GRIN2A: variants seen among roughly 807,000 people sequenced by gnomAD.
GRIN2A encodes glutamate receptor ionotropic, NMDA 2A.
Under a neutral mutation model 113.4 loss-of-function variants are expected in GRIN2A, and 22 were observed. The observed-to-expected ratio is 0.19, with a 90% CI of 0.14 to 0.28. The LOEUF is 0.28. Ranked by LOEUF, GRIN2A falls within the 10% of genes least tolerant of loss-of-function variation. GRIN2A has a pLI of 1.00. For synonymous variants in GRIN2A, 827 were observed against 738.4 expected (o/e 1.12, Z -1.94); for missense variants, 1,502 against 1,887.0 (o/e 0.80, Z 3.78).
intron 2 of GRIN2A, among the ~76,000 whole-genome samples, chr16:10,010,757 A>G (rs917873961): frequency 6.6e-6 from 1 of 152,122 alleles, no homozygotes; most frequent in African/African-American, 2.4e-5. Flanking sequence ...GTGCTGAAAA[A>G]GGAATATCTC....
chr16:9,885,503 T>C (rs2043570166), intron 4 of GRIN2A, among the ~76,000 whole-genome samples: 1 of 152,226 alleles, frequency 6.6e-6, no homozygotes, highest in Non-Finnish European at 1.5e-5. Flanking sequence ...TTGGCGTCTG[T>C]ATAATCCACA....
At chr16:9,994,238 A>G (rs2046180335) in intron 2 of GRIN2A, among the ~76,000 whole-genome samples, 1 of 152,216 alleles carries the variant, frequency 6.6e-6, no homozygotes, top group Non-Finnish European at 1.5e-5. Flanking sequence ...TGCACCTGTC[A>G]GAATGCAAAG....
At chr16:9,785,948 A>G (rs1280340068) in intron 11 of GRIN2A, among the ~76,000 whole-genome samples, 1 of 152,190 alleles carries the variant, frequency 6.6e-6, no homozygotes, top group Non-Finnish European at 1.5e-5. Context: ...TGTTGAATCG[A>G]TGACTAGAAG....
intron 11 of GRIN2A, among the ~76,000 whole-genome samples, chr16:9,787,258 A>G (rs1902286913): frequency 6.6e-6 from 1 of 152,314 alleles, no homozygotes; most frequent in Non-Finnish European, 1.5e-5. Context: ...TCATGCACAT[A>G]AGAACCCTAG....
intron 4 of GRIN2A, among the ~76,000 whole-genome samples, chr16:9,860,536 C>A (rs370185591): frequency 2.0e-4 from 30 of 149,966 alleles, no homozygotes; most frequent in African/African-American, 6.9e-4. Flanking sequence ...GGGCAAGTGA[C>A]ATATGTAAGG....
chr16:10,001,780 G>T (rs374182073), intron 2 of GRIN2A, among the ~76,000 whole-genome samples: 2 of 152,100 alleles, frequency 1.3e-5, no homozygotes, highest in Non-Finnish European at 2.9e-5. Context: ...GGGTAGGCAC[G>T]GATATCCAAC....
intron 2 of GRIN2A, among the ~76,000 whole-genome samples, chr16:10,030,543 T>G (rs2046909531): frequency 6.6e-6 from 1 of 152,226 alleles, no homozygotes; most frequent in South Asian, 2.1e-4. Flanking sequence ...CCACATATCC[T>G]GGAAAGGTCT....
At chr16:9,851,899 T>C (rs1421884537) in intron 4 of GRIN2A, among the ~76,000 whole-genome samples, 2 of 152,206 alleles carry the variant, frequency 1.3e-5, no homozygotes, top group African/African-American at 2.4e-5. Context: ...ACACATATGG[T>C]GGCTGCTATT....
intron 4 of GRIN2A, among the ~76,000 whole-genome samples, chr16:9,884,386 T>C (rs2043548205): frequency 1.3e-5 from 2 of 151,976 alleles, no homozygotes; most frequent in African/African-American, 2.4e-5. Context: ...TCATCTCTAC[T>C]AAAAACACAA....
At chr16:9,892,433 AGAAGAGAAGGAG>A (rs1351312769) in intron 3 of GRIN2A, among the ~76,000 whole-genome samples, 1 of 152,306 alleles carries the variant, frequency 6.6e-6, no homozygotes, top group African/African-American at 2.4e-5. Flanking sequence ...TGGCCAAAGA[AGAAGAGAAGGAG>A]GAAGAGAAAA....
At chr16:9,787,188 T>G (rs1345051101) in intron 11 of GRIN2A, among the ~76,000 whole-genome samples, 3 of 152,064 alleles carry the variant, frequency 2.0e-5, no homozygotes, top group Admixed American at 6.6e-5. Flanking sequence ...CCTCCCAATC[T>G]TGAAGAGACT....
chr16:10,043,433 C>G (rs1417419491), intron 2 of GRIN2A, among the ~76,000 whole-genome samples: 1 of 152,216 alleles, frequency 6.6e-6, no homozygotes, highest in African/African-American at 2.4e-5. Context: ...TTTAAATGCT[C>G]ACTCGCTACC....
intron 3 of GRIN2A, among the ~76,000 whole-genome samples, chr16:9,918,000 A>G (rs1406945247): frequency 6.6e-6 from 1 of 152,194 alleles, no homozygotes; most frequent in Non-Finnish European, 1.5e-5. Flanking sequence ...GGTTATTCCG[A>G]GAATTATATT....
intron 2 of GRIN2A, among the ~76,000 whole-genome samples, chr16:10,152,448 A>G (rs2049600748): frequency 6.6e-6 from 1 of 152,156 alleles, no homozygotes; most frequent in Non-Finnish European, 1.5e-5. Flanking sequence ...CATGGATCCC[A>G]TGTGCCAATC....
intron 5 of GRIN2A, among the ~76,000 whole-genome samples, chr16:9,842,303 C>A (rs372959522): frequency 6.6e-6 from 1 of 152,080 alleles, no homozygotes; most frequent in Non-Finnish European, 1.5e-5. Flanking sequence ...GTCTATCCAA[C>A]GGATAGCAAA....
At chr16:9,898,134 C>A (rs1351470571) in intron 3 of GRIN2A, among the ~76,000 whole-genome samples, 1 of 139,272 alleles carries the variant, frequency 7.2e-6, no homozygotes, top group Non-Finnish European at 1.5e-5. Flanking sequence ...TATGGTTTAA[C>A]CTAACTTCAT....
At chr16:9,954,691 G>A (rs2045264684) in intron 2 of GRIN2A, among the ~76,000 whole-genome samples, 1 of 152,046 alleles carries the variant, frequency 6.6e-6, no homozygotes, top group Admixed American at 6.6e-5. Context: ...CAAATTAGAG[G>A]TACCCCTGGC....
chr16:9,849,769 A>T lies in GRIN2A; in HGVS notation c.1315T>A (p.Phe439Ile), dbSNP rs755045335. Residue 439 changes from phenylalanine (F) to isoleucine (I), a missense_variant, in exon 5 of 13, where the codon TTC (phenylalanine) becomes ATC (isoleucine). Physicochemically the swap from Phe to Ile is conservative, Grantham distance 21 (BLOSUM62 0). Around this residue, in one of 7 missense-constraint regions of GRIN2A, gnomAD observed 334 missense variants for 403.0 expected, o/e 0.83. Transcript: ENST00000330684. ...CVRNTVPCRK[F>I]VKINNSTNEG... is the part of the protein sequence containing the mutation. ...CCTGCCACTCACTTGATTTTGACGA[A>T]CTTCCGACATGGCACGGTGTTCCTC... is the stretch of plus-strand genomic sequence containing the variant. 1 of 1,613,868 alleles carries T rather than the reference A, an allele frequency of 6.2e-7. No individual in the cohort carries two copies. Among genetic ancestry groups the T allele is most frequent in the East Asian group, 2.2e-5 (1 of 44,860 alleles).
intron 4 of GRIN2A, among the ~76,000 whole-genome samples, chr16:9,860,018 C>T (rs1169993612): frequency 2.6e-5 from 4 of 151,652 alleles, no homozygotes; most frequent in Admixed American, 6.6e-5. Context: ...TTTCCAGTCT[C>T]GGTGGAGAGA....
Sources: gnomAD v4.1 joint callset for allele counts (sites outside exome capture counted in the v4.1 genomes callset) on GRCh38, gnomAD v4.1.1 for gene constraint, gnomAD v4.1.1 regional missense constraint, MANE v1.5 for transcripts, NCBI Gene and HGNC (gene_info 2026-07-23, HGNC 2026-07-21) for gene names.